FHOD3: variants seen among roughly 807,000 people sequenced by gnomAD.
The protein encoded by FHOD3 is FH1/FH2 domain-containing protein 3.
FHOD3 carries 90 observed loss-of-function variants against 173.0 expected under a neutral mutation model. The observed-to-expected ratio is 0.52, with a 90% confidence interval of 0.44 to 0.62. FHOD3 has a LOEUF of 0.62. FHOD3 is among the 20% of genes least tolerant of loss of function. The probability of loss-of-function intolerance (pLI) is 0.00; values close to 1 mark genes in which losing one functional copy is unlikely to be tolerated. For synonymous variants in FHOD3, 828 were observed against 823.0 expected, an observed-to-expected ratio of 1.01 and a Z score of -0.10; for missense variants, 1,945 against 2,034.7, an observed-to-expected ratio of 0.96 and a Z score of 0.85.
intron 3 of FHOD3, among the ~76,000 whole-genome samples, chr18:36,380,584 TTTCCTTTCCTTTCC>T (rs1568196319): frequency 2.3e-5 from 2 of 88,346 alleles, no homozygotes; most frequent in African/African-American, 4.6e-5. Context: ...TTTCTTTTCC[TTTCCTTTCCTTTCC>T]TTTCCTTTCC....
At chr18:36,407,990 T>C (rs2049152595) in intron 3 of FHOD3, among the ~76,000 whole-genome samples, 2 of 152,178 alleles carry the variant, frequency 1.3e-5, no homozygotes, top group South Asian at 4.1e-4. Context: ...ATAGATGATA[T>C]TGGAACTGTT....
intron 3 of FHOD3, among the ~76,000 whole-genome samples, chr18:36,461,379 A>G (rs534109177): frequency 6.6e-6 from 1 of 151,866 alleles, no homozygotes; most frequent in East Asian, 1.9e-4. Context: ...TTAGATTGTT[A>G]CTGGGAATAA....
At chr18:36,702,152 C>G (rs1455696178) in intron 17 of FHOD3, among the ~76,000 whole-genome samples, 1 of 152,158 alleles carries the variant, frequency 6.6e-6, no homozygotes, top group East Asian at 1.9e-4. Context: ...AGTTTGCTCT[C>G]CTGGGGGACA....
At chr18:36,733,471 C>T (rs1330274099) in intron 20 of FHOD3, among the ~76,000 whole-genome samples, 2 of 152,182 alleles carry the variant, frequency 1.3e-5, no homozygotes, top group Non-Finnish European at 2.9e-5. Context: ...ACAACTACCC[C>T]TTTAAAAATA....
At chr18:36,575,079 T>G (rs904163574) in intron 5 of FHOD3, among the ~76,000 whole-genome samples, 2 of 152,190 alleles carry the variant, frequency 1.3e-5, no homozygotes, top group Admixed American at 1.3e-4. Flanking sequence ...CAAGCAATTT[T>G]CCTGCCTCAG....
intron 3 of FHOD3, among the ~76,000 whole-genome samples, chr18:36,403,344 A>G (rs572410062): frequency 6.6e-6 from 1 of 152,360 alleles, no homozygotes; most frequent in South Asian, 2.1e-4. Context: ...TAGAATGAAG[A>G]AAACTAGTTA....
At chr18:36,543,460 C>T (rs777797461) in intron 5 of FHOD3, among the ~76,000 whole-genome samples, 4 of 152,102 alleles carry the variant, frequency 2.6e-5, no homozygotes, top group South Asian at 2.1e-4. Context: ...TTGGACCATA[C>T]GCTGTCATAT....
chr18:36,654,008 C>A (rs2036243154), intron 13 of FHOD3, among the ~76,000 whole-genome samples: 1 of 152,232 alleles, frequency 6.6e-6, no homozygotes, highest in African/African-American at 2.4e-5. Flanking sequence ...CAACCCCAGG[C>A]AGCCTGTTCC....
At chr18:36,393,004 G>A (rs1401429741) in intron 3 of FHOD3, among the ~76,000 whole-genome samples, 1 of 152,192 alleles carries the variant, frequency 6.6e-6, no homozygotes, top group Non-Finnish European at 1.5e-5. Context: ...TATTAAGTCT[G>A]CCCACAATAT....
chr18:36,475,655 T>C (rs1309781075), intron 3 of FHOD3, among the ~76,000 whole-genome samples: 2 of 152,136 alleles, frequency 1.3e-5, no homozygotes, highest in Admixed American at 6.5e-5. Context: ...TAAATGTATA[T>C]ATGATGTTAA....
At chr18:36,369,132 T>G (rs1051809560) in intron 2 of FHOD3, among the ~76,000 whole-genome samples, 1 of 152,168 alleles carries the variant, frequency 6.6e-6, no homozygotes, top group East Asian at 1.9e-4. Context: ...AGTATGCCTG[T>G]GATTCTTTAA....
At chr18:36,499,530 T>C (rs1239321307) in intron 3 of FHOD3, among the ~76,000 whole-genome samples, 2 of 152,212 alleles carry the variant, frequency 1.3e-5, no homozygotes, top group Non-Finnish European at 2.9e-5. Flanking sequence ...GTTTTATTCT[T>C]ATTTATTAGA....
intron 5 of FHOD3, among the ~76,000 whole-genome samples, chr18:36,559,049 A>T (rs1479819964): frequency 6.6e-6 from 1 of 151,964 alleles, no homozygotes; most frequent in Non-Finnish European, 1.5e-5. Flanking sequence ...GCTACAACCA[A>T]CTCGGTCATC....
intron 8 of FHOD3, among the ~76,000 whole-genome samples, chr18:36,603,407 C>A (rs1053303945): frequency 3.3e-5 from 5 of 151,840 alleles, no homozygotes; most frequent in Non-Finnish European, 7.4e-5. Flanking sequence ...TGTGTTCATG[C>A]TTTGGTCTTT....
At chr18:36,381,370 G>A (rs2047777108) in intron 3 of FHOD3, among the ~76,000 whole-genome samples, 1 of 152,192 alleles carries the variant, frequency 6.6e-6, no homozygotes, top group African/African-American at 2.4e-5. Context: ...TGGAGCTGGG[G>A]CTTCCACATC....
rs112239737 is a variant in FHOD3 at position 36,622,013 on chromosome 18, C to T, written c.958-3498C>T. ...CAATGGAATATTTTCAGTCTTAAGA[C>T]GGAAATCTTGACATTTCCTACAACT... is the stretch of plus-strand genomic sequence containing the variant. On this transcript the variant is annotated intron_variant, in intron 9 of 28. Coordinates refer to ENST00000590592, the MANE Select transcript of FHOD3 (RefSeq NM_001281740.3). 9.5e-4 allele frequency among the ~76,000 whole-genome samples: 144 copies of T among 152,224 alleles called. No individual in the cohort carries two copies. The South Asian group carries it at 0.019, about 20-fold the overall frequency.
chr18:36,488,619 G>A (rs1449091876), intron 3 of FHOD3, among the ~76,000 whole-genome samples: 1 of 152,212 alleles, frequency 6.6e-6, no homozygotes, highest in African/African-American at 2.4e-5. Context: ...AAGAAAAGTA[G>A]TCTTTACTGA....
intron 2 of FHOD3, among the ~76,000 whole-genome samples, chr18:36,358,778 T>C (rs1176288312): frequency 6.6e-6 from 1 of 152,164 alleles, no homozygotes; most frequent in Non-Finnish European, 1.5e-5. Context: ...CAGGCTCAAA[T>C]GATTCTCCTG....
At chr18:36,575,615 A>G (rs8093309) in intron 5 of FHOD3, among the ~76,000 whole-genome samples, 3,378 of 152,322 alleles carry the variant, frequency 0.022, 143 homozygotes, top group African/African-American at 0.077. Flanking sequence ...AAAAATGTCA[A>G]TGCCCTGACA....
Sources: gnomAD v4.1 joint callset for allele counts (sites outside exome capture counted in the v4.1 genomes callset) on GRCh38, gnomAD v4.1.1 for gene constraint, MANE v1.5 for transcripts, NCBI Gene and HGNC (gene_info 2026-07-23, HGNC 2026-07-21) for gene names.